Variants in RMDN2 observed in about 807,000 individuals in gnomAD.
The protein encoded by RMDN2 is regulator of microtubule dynamics 2, also known as regulator of microtubule dynamics protein 2.
A neutral mutation model predicts 52.8 loss-of-function variants in RMDN2; 61 were observed. That is an observed-to-expected ratio of 1.16 (90% confidence interval 0.94 to 1.43). RMDN2 has a LOEUF of 1.43. Among genes scored for constraint, RMDN2 ranks in the 40% most tolerant of loss-of-function variants. RMDN2 has a pLI of 0.00. For missense variants in RMDN2, 592 were observed against 475.3 expected, an observed-to-expected ratio of 1.25 and a Z score of -2.28; for synonymous variants, 180 against 153.1, an observed-to-expected ratio of 1.18 and a Z score of -1.30.
At chr2:38,028,646 G>A (rs1423175638) in intron 10 of RMDN2, among the ~76,000 whole-genome samples, 1 of 152,130 alleles carries the variant, frequency 6.6e-6, no homozygotes, top group East Asian at 1.9e-4. Flanking sequence ...TGGCTGTGCT[G>A]CAGCCTCTGG....
chr2:37,981,099 C>T (rs1019997479), intron 4 of RMDN2, among the ~76,000 whole-genome samples, 184 bp from the exon 5 acceptor site: 1 of 152,200 alleles, frequency 6.6e-6, no homozygotes. Flanking sequence ...TTATTGGGCC[C>T]CAATCCCACA....
At chr2:37,943,386 G>A (rs924288634) in intron 2 of RMDN2, among the ~76,000 whole-genome samples, 2 of 152,188 alleles carry the variant, frequency 1.3e-5, no homozygotes, top group African/African-American at 4.8e-5. Context: ...AAAAGCCACA[G>A]GTTTTAGAAT....
rs114276389 is a variant in RMDN2 at position 37,941,977 on chromosome 2, G to A, written c.452+12248G>A. Among the ~76,000 whole-genome samples the A allele has an allele frequency of 4.2e-3, 638 of 151,724 alleles. 7 individuals are homozygous for A. Among genetic ancestry groups the A allele is most frequent in the African/African-American group, 0.014 (581 of 41,328 alleles). On this transcript the variant is annotated intron_variant, in intron 2 of 10. Transcript: ENST00000354545. ...AAAAAAAATTCCTGCAGCTAGCTCG[G>A]TATCTGCCCAAACAGCTGCCCACTT...
intron 10 of RMDN2, among the ~76,000 whole-genome samples, chr2:38,059,281 G>C (rs995619338): frequency 2.6e-5 from 4 of 152,258 alleles, no homozygotes; most frequent in Admixed American, 2.6e-4. Flanking sequence ...TACAGCACAG[G>C]TCAGTAGGAC....
intron 7 of RMDN2, among the ~76,000 whole-genome samples, chr2:37,993,620 C>T (rs757906105): frequency 6.6e-5 from 10 of 152,006 alleles, no homozygotes; most frequent in Admixed American, 2.0e-4. Flanking sequence ...ACCTGATAGT[C>T]GGAGGCATTT....
chr2:38,059,340 G>T (rs2125306687), intron 10 of RMDN2, among the ~76,000 whole-genome samples: 1 of 152,242 alleles, frequency 6.6e-6, no homozygotes, highest in East Asian at 1.9e-4. Context: ...GATTATTTGG[G>T]CAGTGATCAT....
At chr2:37,939,480 TG>T (rs1667594504) in intron 2 of RMDN2, among the ~76,000 whole-genome samples, 1 of 152,210 alleles carries the variant, frequency 6.6e-6, no homozygotes, top group African/African-American at 2.4e-5. Context: ...TGTCTAATAT[TG>T]ACAGTGGGGT....
intron 3 of RMDN2, chr2:37,974,715 T>C (rs1295562788): frequency 6.6e-6 from 1 of 152,634 alleles, no homozygotes; most frequent in Admixed American, 6.5e-5. Context: ...AAATCTCTAT[T>C]TGTCTGAGGA....
chr2:37,994,991 TAAG>T (rs1461258640), intron 7 of RMDN2, among the ~76,000 whole-genome samples: 2 of 152,124 alleles, frequency 1.3e-5, no homozygotes, highest in Non-Finnish European at 2.9e-5. Context: ...AGGAGCAGGT[TAAG>T]GAGATTGACA....
intron 10 of RMDN2, among the ~76,000 whole-genome samples, chr2:38,063,673 C>T (rs1037395071): frequency 1.8e-4 from 27 of 151,940 alleles, no homozygotes; most frequent in Non-Finnish European, 3.2e-4. Context: ...GGCTAATATC[C>T]AGAATCTACA....
In RMDN2 at chr2:38,055,757, A is replaced by G. The variant is rs115958231; in HGVS notation, c.1714-11225A>G. On this transcript the variant is annotated intron_variant, in intron 10 of 10. Transcript: ENST00000234195. ...AAGAAACCCTTCAAGCAGCCCTTCA[A>G]TAGACCTTCCCCTTGCAACTCATCA... Among the ~76,000 whole-genome samples the G allele has an allele frequency of 9.8e-3, 1,485 of 152,258 alleles. 22 individuals carry two copies. The highest frequency in any genetic ancestry group is 0.034 in the African/African-American group (1,407 of 41,540).
At chr2:37,933,520 G>C (rs964178207) in intron 2 of RMDN2, among the ~76,000 whole-genome samples, 1 of 152,248 alleles carries the variant, frequency 6.6e-6, no homozygotes, top group African/African-American at 2.4e-5. Flanking sequence ...CTGCAATCCC[G>C]GCACCTCGGG....
chr2:38,036,974 G>A (rs1206688714), intron 10 of RMDN2, among the ~76,000 whole-genome samples: 1 of 152,168 alleles, frequency 6.6e-6, no homozygotes, highest in African/African-American at 2.4e-5. Flanking sequence ...TAGGGATCAA[G>A]AGCAAAGAAC....
chr2:38,022,843 ACTT>A (rs1420157515), intron 10 of RMDN2, among the ~76,000 whole-genome samples: 2 of 152,192 alleles, frequency 1.3e-5, no homozygotes, highest in South Asian at 2.1e-4. Context: ...TTTACACTAA[ACTT>A]CTCATTTTTA....
chr2:37,929,589 G>C lies in RMDN2; in HGVS notation c.312G>C (p.Glu104Asp). The C allele has an allele frequency of 1.3e-6, 2 of 1,551,726 alleles. No individual in the cohort carries two copies. Among genetic ancestry groups the C allele is most frequent in the Non-Finnish European group, 1.7e-6 (2 of 1,146,948 alleles). ...RFLKEAIPKL[E>D]EYIQDELGGK... Reference sequence around the variant, plus strand: ...TTAAAGAAGCTATTCCAAAGCTGGAGGAATATATACAAGATGAACTTGGAG... The same window carrying C: ...TTAAAGAAGCTATTCCAAAGCTGGACGAATATATACAAGATGAACTTGGAG... Residue 104 changes from glutamate (E) to aspartate (D), a missense_variant, in exon 2 of 11, where the codon GAG (glutamate) becomes GAC (aspartate). Transcript: ENST00000354545.
chr2:37,977,698 A>G (rs1264556633), intron 4 of RMDN2, among the ~76,000 whole-genome samples: 1 of 151,554 alleles, frequency 6.6e-6, no homozygotes, highest in East Asian at 2.0e-4. Context: ...GCGGCCGGGT[A>G]GAGGCGCTCT....
At chr2:37,980,827 T>G (rs1252263062) in intron 4 of RMDN2, among the ~76,000 whole-genome samples, 1 of 152,106 alleles carries the variant, frequency 6.6e-6, no homozygotes, top group Non-Finnish European at 1.5e-5. Flanking sequence ...CTTACTTGTT[T>G]ATATGCCTGC....
At chr2:38,040,952 C>T (rs72887999) in intron 10 of RMDN2, among the ~76,000 whole-genome samples, 43,790 of 151,804 alleles carry the variant, frequency 0.29, 8,969 homozygotes, top group East Asian at 0.79. Context: ...AGATTTTTAC[C>T]TAGGTATTTC....
chr2:37,951,743 C>T (rs1173637965), intron 2 of RMDN2: 1 of 1,612,558 alleles, frequency 6.2e-7, no homozygotes, highest in Non-Finnish European at 8.5e-7. Context: ...AACATATAAC[C>T]ATCTCTGCTC....
Sources: allele counts gnomAD v4.1 joint callset (sites outside exome capture counted in the v4.1 genomes callset), GRCh38; gene constraint gnomAD v4.1.1; transcripts MANE v1.5; gene names NCBI Gene and HGNC (gene_info 2026-07-23, HGNC 2026-07-21).